Variants in SGCD observed in about 807,000 individuals in gnomAD.
The protein encoded by SGCD is delta-sarcoglycan.
In SGCD, 18 loss-of-function variants were observed where a neutral mutation model predicts 36.6. The ratio of observed to expected loss-of-function variants is 0.49; its 90% CI spans 0.34 to 0.73. SGCD has a LOEUF of 0.73. Ranked by LOEUF, SGCD falls within the 30% of genes least tolerant of loss-of-function variation. The pLI is 0.01. For missense variants in SGCD, 387 were observed against 346.7 expected, an observed-to-expected ratio of 1.12 and a Z score of -0.92; for synonymous variants, 133 against 130.6, an observed-to-expected ratio of 1.02 and a Z score of -0.12.
chr5:156,359,203 T>G lies in SGCD; in HGVS notation c.192+14526T>G, dbSNP rs190487912. On this transcript the variant is annotated intron_variant, in intron 3 of 8. Transcript: ENST00000337851. ...TATGTGTTATGAAAAGGAAACTGGT[T>G]TATAACAGGTCTTTTGCTTTCTTCT... Among the ~76,000 whole-genome samples, 914 of 152,284 alleles carry G rather than the reference T, an allele frequency of 6.0e-3. 2 individuals carry two copies. Among genetic ancestry groups the G allele is most frequent in the Non-Finnish European group, 9.7e-3 (659 of 68,026 alleles).
At chr5:155,939,001 A>G (rs77841783) in intron 1 of SGCD, among the ~76,000 whole-genome samples, 6,925 of 152,320 alleles carry the variant, frequency 0.045, 230 homozygotes, top group African/African-American at 0.095. Context: ...ACCATTGTCA[A>G]CATGCTGTAG....
intron 1 of SGCD, among the ~76,000 whole-genome samples, chr5:155,885,651 A>G (rs781638084): frequency 1.3e-5 from 2 of 152,204 alleles, no homozygotes; most frequent in African/African-American, 2.4e-5. Context: ...TGTTATTCTC[A>G]CAGTAAGCAG....
chr5:156,598,419 G>C (rs1414230294), intron 6 of SGCD, among the ~76,000 whole-genome samples: 1 of 152,146 alleles, frequency 6.6e-6, no homozygotes. Flanking sequence ...GCACACAGCT[G>C]TAATCCCAGC....
chr5:156,596,837 G>A (rs1467565946), intron 6 of SGCD, among the ~76,000 whole-genome samples: 1 of 152,066 alleles, frequency 6.6e-6, no homozygotes, highest in Non-Finnish European at 1.5e-5. Context: ...GCACGCATAT[G>A]TACATGTGTG....
In SGCD at chr5:156,382,517, A is replaced by G. The variant is rs72798955; in HGVS notation, c.192+37840A>G. On this transcript the variant is annotated intron_variant, in intron 3 of 8. Transcript: ENST00000337851. Reference sequence around the variant, plus strand: ...TACTAAATGTTTCTATTTCATTTTAATACAAATTCCGATAGTTATTCAAAA... The same window carrying G: ...TACTAAATGTTTCTATTTCATTTTAGTACAAATTCCGATAGTTATTCAAAA... 9.6e-3 allele frequency among the ~76,000 whole-genome samples: 1,462 copies of G among 152,338 alleles called. 16 individuals carry two copies. Among genetic ancestry groups the G allele is most frequent in the Non-Finnish European group, 0.017 (1,144 of 68,028 alleles).
intron 3 of SGCD, among the ~76,000 whole-genome samples, chr5:156,229,892 T>A (rs533859326): frequency 6.6e-6 from 1 of 152,316 alleles, no homozygotes; most frequent in Admixed American, 6.5e-5. Flanking sequence ...TTGGATTGGG[T>A]TAATTCGAAG....
At chr5:156,410,985 T>G (rs527756151) in intron 3 of SGCD, among the ~76,000 whole-genome samples, 1 of 152,342 alleles carries the variant, frequency 6.6e-6, no homozygotes, top group East Asian at 1.9e-4. Flanking sequence ...AGTCTGTAAT[T>G]GGGAGTCTTT....
At chr5:156,522,571 G>A (rs935751815) in intron 4 of SGCD, among the ~76,000 whole-genome samples, 3 of 151,954 alleles carry the variant, frequency 2.0e-5, no homozygotes, top group African/African-American at 7.3e-5. Flanking sequence ...AACACACACC[G>A]GGGCCTATTG....
the SGCD span, among the ~76,000 whole-genome samples, chr5:155,843,668 A>T: frequency 6.6e-6 from 1 of 152,210 alleles, no homozygotes. Context: ...ATAGAAGAGG[A>T]GAGGTAACTT....
intron 1 of SGCD, among the ~76,000 whole-genome samples, chr5:156,091,486 A>T (rs1761241936): frequency 6.6e-6 from 1 of 152,186 alleles, no homozygotes; most frequent in African/African-American, 2.4e-5. Flanking sequence ...ACCTGTCAGT[A>T]GTCACCGCAG....
In SGCD at chr5:156,687,026, C is replaced by T. The variant is rs1325181933; in HGVS notation, c.575+39490C>T. Reference sequence around the variant, plus strand: ...GACCATCCATCAGAGGCACCTGCTTCAGTAATCAGCAGCTCCAGATATGCT... The same window carrying T: ...GACCATCCATCAGAGGCACCTGCTTTAGTAATCAGCAGCTCCAGATATGCT... On this transcript the variant is annotated intron_variant, in intron 7 of 8. Transcript: ENST00000337851. 4.6e-5 allele frequency among the ~76,000 whole-genome samples: 7 copies of T among 152,188 alleles called. No individual in the cohort carries two copies. The East Asian group carries it at 1.3e-3, about 29-fold the overall frequency.
At chr5:155,940,875 C>A (rs4704875) in intron 1 of SGCD, among the ~76,000 whole-genome samples, 4,004 of 89,670 alleles carry the variant, frequency 0.045, 122 homozygotes, top group African/African-American at 0.12. Context: ...ACAACAACAA[C>A]AAAAAAAACA....
chr5:156,278,978 T>C (rs1480959469), intron 3 of SGCD, among the ~76,000 whole-genome samples: 1 of 152,144 alleles, frequency 6.6e-6, no homozygotes, highest in East Asian at 1.9e-4. Context: ...ATGTCTGGAG[T>C]TGATTATCAC....
intron 8 of SGCD, among the ~76,000 whole-genome samples, chr5:156,758,785 G>GA (rs140913292): frequency 0.02 from 2,818 of 142,960 alleles, 77 homozygotes; most frequent in African/African-American, 0.055. Context: ...TAAATTGTTA[G>GA]AAAAAAAAAA....
chr5:155,877,324 C>G (rs1273189336), intron 1 of SGCD, among the ~76,000 whole-genome samples: 1 of 152,062 alleles, frequency 6.6e-6, no homozygotes, highest in African/African-American at 2.4e-5. Context: ...TACTCATGGC[C>G]AACTTAAATG....
intron 1 of SGCD, among the ~76,000 whole-genome samples, chr5:155,920,095 G>T (rs1756840824): frequency 6.6e-6 from 1 of 152,264 alleles, no homozygotes; most frequent in Admixed American, 6.5e-5. Context: ...GCATGTCCTG[G>T]CTGCCTCAGA....
intron 1 of SGCD, among the ~76,000 whole-genome samples, chr5:156,056,659 A>AAAAAAAAAAAAAAAAAAAAC (rs1330447322): frequency 1.4e-5 from 2 of 141,890 alleles, no homozygotes; most frequent in African/African-American, 5.2e-5. Context: ...AAAAAAAAAA[A>AAAAAAAAAAAAAAAAAAAAC]AAAAAACAGT....
intron 3 of SGCD, among the ~76,000 whole-genome samples, chr5:156,408,305 C>A (rs926232415): frequency 6.6e-6 from 1 of 151,834 alleles, no homozygotes; most frequent in Non-Finnish European, 1.5e-5. Flanking sequence ...TAGATACAAC[C>A]CTGAAAAGCC....
intron 1 of SGCD, among the ~76,000 whole-genome samples, chr5:155,954,177 A>G (rs1581009707): frequency 2.0e-5 from 3 of 152,296 alleles, no homozygotes; most frequent in South Asian, 4.1e-4. Context: ...TTTGTAAAAG[A>G]AAACAAAGCA....
Sources: gnomAD v4.1 joint callset for allele counts (sites outside exome capture counted in the v4.1 genomes callset) on GRCh38, gnomAD v4.1.1 for gene constraint, MANE v1.5 for transcripts, NCBI Gene and HGNC (gene_info 2026-07-23, HGNC 2026-07-21) for gene names.